Variants in PCDHGA9 observed in about 807,000 individuals in gnomAD.
PCDHGA9 encodes protocadherin gamma subfamily A, 9.
PCDHGA9 carries 37 observed loss-of-function variants against 62.5 expected under a neutral mutation model. The observed-to-expected ratio is 0.59, with a 90% CI of 0.46 to 0.78. PCDHGA9 has a LOEUF of 0.78. Among genes scored for constraint, PCDHGA9 ranks in the 30% least tolerant of loss-of-function variants. PCDHGA9 has a pLI of 0.00. For missense variants in PCDHGA9, 1,138 were observed against 1,166.2 expected (o/e 0.98, Z 0.35); for synonymous variants, 459 against 484.6 (o/e 0.95, Z 0.69).
chr5:141,490,143 A>G lies in PCDHGA9; in HGVS notation c.2425-4664A>G. On this transcript the variant is annotated intron_variant, in intron 1 of 3. Transcript: ENST00000573521. The surrounding 1 kb of genome is among the most constrained non-coding windows in gnomAD (Gnocchi z 5.4). ...TTGGCCTAGACCCTAGCAGTGGGGC[A>G]ATCCATGTGTTGGGTCCCATAGACT... is the stretch of plus-strand genomic sequence containing the variant. 1 of 1,614,234 alleles carries G rather than the reference A, an allele frequency of 6.2e-7. No homozygotes were observed. The highest frequency in any genetic ancestry group is 8.5e-7 in the Non-Finnish European group (1 of 1,180,034).
At chr5:141,503,396 A>G (rs1025780031) in intron 2 of PCDHGA9, among the ~76,000 whole-genome samples, 2 of 151,944 alleles carry the variant, frequency 1.3e-5, no homozygotes, top group African/African-American at 2.4e-5. Flanking sequence ...GGAGTTCGAA[A>G]CCAACCTGGC....
At chr5:141,509,845 C>G (rs1021433327) in intron 3 of PCDHGA9, among the ~76,000 whole-genome samples, 1 of 152,190 alleles carries the variant, frequency 6.6e-6, no homozygotes, top group African/African-American at 2.4e-5. Context: ...CCCATTCACT[C>G]AGAACAGGGA....
chr5:141,422,477 A>G (rs1230502545), intron 1 of PCDHGA9: 2 of 1,613,904 alleles, frequency 1.2e-6, no homozygotes, highest in Admixed American at 1.7e-5. Flanking sequence ...GAGTTGGTCC[A>G]GAGCTACAAT....
intron 1 of PCDHGA9, chr5:141,408,109 C>T (rs1011504923): frequency 3.5e-6 from 5 of 1,445,662 alleles, no homozygotes; most frequent in Non-Finnish European, 4.6e-6. Flanking sequence ...AGACCCGGGA[C>T]TCCTCCTGTC....
At position 141,505,378 on chromosome 5, in the gene PCDHGA9, C is replaced by T. The variant is rs376550639; in HGVS notation, c.2484-15C>T. 2 of 1,614,034 alleles carry T rather than the reference C, an allele frequency of 1.2e-6. No homozygotes were observed. The highest frequency in any genetic ancestry group is 2.2e-5 in the East Asian group (1 of 44,872). On this transcript the variant is annotated splice_polypyrimidine_tract_variant and intron_variant, in intron 2 of 3. Transcript: ENST00000573521. ...GGCCTGGGAGTCTGTGCTCACCATC[C>T]TACTCTCTCCCCAGCTCCCAAAATG...
At chr5:141,419,253 A>G in intron 1 of PCDHGA9, 4 of 1,613,990 alleles carry the variant, frequency 2.5e-6, no homozygotes, top group South Asian at 1.1e-5. Flanking sequence ...CCAGAAAACA[A>G]CCAGCCGGGT....
rs756216038 is a variant in PCDHGA9, at chr5:141,477,967, C to G, written c.2425-16840C>G. 1.9e-6 allele frequency: 3 copies of G among 1,614,032 alleles called. No homozygotes were observed. Among genetic ancestry groups the G allele is most frequent in the Admixed American group, 3.3e-5 (2 of 59,996 alleles). ...GTCTCTTGGGATCCCCTAACCAGAG[C>G]CTTTTTGCCATAGGGCTGCACACTG... On this transcript the variant is annotated intron_variant, in intron 1 of 3. Transcript: ENST00000573521. The surrounding 1 kb of genome is among the most constrained non-coding windows in gnomAD (Gnocchi z 4.9).
chr5:141,497,240 GA>G (rs1221446648), intron 2 of PCDHGA9, among the ~76,000 whole-genome samples: 125 of 152,188 alleles, frequency 8.2e-4, no homozygotes, highest in African/African-American at 3.0e-3. Flanking sequence ...AGGCTTCTAG[GA>G]GGAGGTGACA....
chr5:141,404,123 T>A lies in PCDHGA9; in HGVS notation c.1171T>A (p.Ser391Thr), dbSNP rs1477938356. Residue 391 changes from serine to threonine, a missense_variant, in exon 1 of 4, where the codon TCT becomes ACT. Ser to Thr is a moderately conservative substitution (Grantham distance 58, BLOSUM62 1). Coordinates refer to ENST00000573521, the MANE Select transcript of PCDHGA9 (RefSeq NM_018921.3). The stretch of plus-strand genomic sequence containing the variant: ...TGTCTGTTCTATCCAGGAGAATCTA[T>A]CTTTTACATTAGAAAATTCAGAAGA... Reference protein sequence around the residue: ...QVVCSIQENLSFTLENSEEDY... With the variant: ...QVVCSIQENLTFTLENSEEDY... 4 of 1,613,394 alleles carry A rather than the reference T, an allele frequency of 2.5e-6. No individual in the cohort carries two copies. Among genetic ancestry groups the A allele is most frequent in the Admixed American group, 1.7e-5 (1 of 59,904 alleles).
At chr5:141,414,949 G>C (rs774769957) in intron 1 of PCDHGA9, 13 of 1,613,978 alleles carry the variant, frequency 8.1e-6, no homozygotes, top group African/African-American at 1.3e-5. Context: ...CGGCTACCTG[G>C]TGACCAAGGT....
At chr5:141,503,675 T>C (rs1233495836) in intron 2 of PCDHGA9, among the ~76,000 whole-genome samples, 1 of 152,104 alleles carries the variant, frequency 6.6e-6, no homozygotes. Flanking sequence ...CTTCCCACTT[T>C]TGGGAAGGAG....
In PCDHGA9 at chr5:141,491,638, G is replaced by A. The variant is rs2099723160; in HGVS notation, c.2425-3169G>A. The A allele has an allele frequency of 6.2e-7, 1 of 1,613,898 alleles. No individual in the cohort carries two copies. The highest frequency in any genetic ancestry group is 1.3e-5 in the African/African-American group (1 of 75,074). ...ACCCCTCAGCGTTCAGCAGCCCACA[G>A]CTCTGGCGCTGGAGCCTGACGCCAT... On this transcript the variant is annotated intron_variant, in intron 1 of 3. Coordinates refer to ENST00000573521, the MANE Select transcript of PCDHGA9 (RefSeq NM_018921.3). The surrounding 1 kb of genome is among the most constrained non-coding windows in gnomAD (Gnocchi z 6.9).
chr5:141,426,873 C>T (rs1299082117), intron 1 of PCDHGA9: 1 of 456,702 alleles, frequency 2.2e-6, no homozygotes, highest in East Asian at 6.9e-5. Context: ...GCTGGAGAAG[C>T]CCCTGGGCCA....
chr5:141,450,916 C>T (rs1168320527), intron 1 of PCDHGA9, among the ~76,000 whole-genome samples: 1 of 151,580 alleles, frequency 6.6e-6, no homozygotes, highest in Admixed American at 6.6e-5. Flanking sequence ...CCGCTGCCTC[C>T]CAGATTCAAG....
Position 141,404,015 on chromosome 5 carries a change from C to T in PCDHGA9, c.1063C>T (p.Pro355Ser). Residue 355 changes from proline to serine, a missense_variant, in exon 1 of 4, where the codon CCA becomes TCA. Coordinates refer to ENST00000573521, the MANE Select transcript of PCDHGA9 (RefSeq NM_018921.3). The part of the protein sequence containing the change: ...PEVTITSLFS[P>S]VREDAPQGTV... Reference sequence around the variant, plus strand: ...AGTGACCATTACATCTCTGTTTAGCCCAGTGAGAGAAGACGCACCTCAGGG... The same window carrying T: ...AGTGACCATTACATCTCTGTTTAGCTCAGTGAGAGAAGACGCACCTCAGGG... 6.2e-7 allele frequency: 1 copy of T among 1,613,622 alleles called. No homozygotes were observed.
chr5:141,425,486 C>T (rs2096878743), intron 1 of PCDHGA9, among the ~76,000 whole-genome samples: 1 of 152,236 alleles, frequency 6.6e-6, no homozygotes, highest in African/African-American at 2.4e-5. Context: ...TGGCAACCTA[C>T]TAGGCTATAC....
rs777780708 is a variant in PCDHGA9, at chr5:141,489,934, G to C, written c.2425-4873G>C. ...AGGGACCACCCTTATCTCTGTCATC[G>C]TGCTGGACATCAATGATAATGCTCC... On this transcript the variant is annotated intron_variant, in intron 1 of 3. Transcript: ENST00000573521. The surrounding 1 kb of genome is among the most constrained non-coding windows in gnomAD (Gnocchi z 4.5). The C allele has an allele frequency of 1.4e-5, 23 of 1,614,176 alleles. No homozygotes were observed. Among genetic ancestry groups the C allele is most frequent in the Non-Finnish European group, 1.8e-5 (21 of 1,180,030 alleles).
intron 3 of PCDHGA9, among the ~76,000 whole-genome samples, chr5:141,509,722 C>A (rs919655821): frequency 5.9e-5 from 9 of 152,140 alleles, no homozygotes; most frequent in African/African-American, 2.2e-4. Flanking sequence ...CTGATGTCAC[C>A]TAGCTGTGGC....
At chr5:141,492,468 G>A (rs927514972) in intron 1 of PCDHGA9, among the ~76,000 whole-genome samples, 1 of 152,232 alleles carries the variant, frequency 6.6e-6, no homozygotes, top group Admixed American at 6.5e-5. Flanking sequence ...GAGGGTCCCA[G>A]ATCGCGGCCG....
Sources: gnomAD v4.1 joint callset for allele counts (sites outside exome capture counted in the v4.1 genomes callset) on GRCh38, gnomAD v4.1.1 for gene constraint, Gnocchi (gnomAD v3.1) non-coding constraint, MANE v1.5 for transcripts, NCBI Gene and HGNC (gene_info 2026-07-23, HGNC 2026-07-21) for gene names.